The following CCDC3 variants were observed in gnomAD, a reference collection of about 807,000 sequenced individuals.
The protein encoded by CCDC3 is coiled-coil domain containing 3, also known as coiled-coil domain-containing protein 3.
Under a neutral mutation model 21.4 loss-of-function variants are expected in CCDC3, and 24 were observed. The observed-to-expected ratio is 1.12, with a 90% CI of 0.81 to 1.58. CCDC3 has a LOEUF of 1.58. Among genes scored for constraint, CCDC3 ranks in the 40% most tolerant of loss-of-function variants. The pLI, the probability that CCDC3 is intolerant of heterozygous loss-of-function variation, is 0.00. For synonymous variants in CCDC3, 186 were observed against 166.0 expected (o/e 1.12, Z -0.93); for missense variants, 425 against 360.9 (o/e 1.18, Z -1.44).
At chr10:13,015,767 A>G (rs1254764035) in intron 5 of CCDC3, among the ~76,000 whole-genome samples, 2 of 151,838 alleles carry the variant, frequency 1.3e-5, no homozygotes. Flanking sequence ...AACTTGGGCC[A>G]CTCCATCTGT....
At chr10:13,072,128 C>G (rs989517270) in intron 4 of CCDC3, among the ~76,000 whole-genome samples, 1 of 152,134 alleles carries the variant, frequency 6.6e-6, no homozygotes, top group Non-Finnish European at 1.5e-5. Context: ...TTTGAGCTGT[C>G]CTTACCGTAA....
At chr10:12,955,558 T>A (rs1835070658) in intron 2 of CCDC3, among the ~76,000 whole-genome samples, 1 of 152,126 alleles carries the variant, frequency 6.6e-6, no homozygotes, top group Non-Finnish European at 1.5e-5. Context: ...ACTTCATATT[T>A]TTTTTTCTTT....
chr10:13,087,308 G>C (rs1016698522), intron 3 of CCDC3, among the ~76,000 whole-genome samples: 1 of 151,852 alleles, frequency 6.6e-6, no homozygotes, highest in African/African-American at 2.4e-5. Context: ...GGAGGCTGAG[G>C]CAGGAGAATT....
At chr10:12,942,079 C>T (rs752884370) in intron 2 of CCDC3, among the ~76,000 whole-genome samples, 31 of 152,168 alleles carry the variant, frequency 2.0e-4, no homozygotes, top group Non-Finnish European at 4.1e-4. Flanking sequence ...TTTGAGATGT[C>T]CATTTTCTCT....
At chr10:12,898,887 C>A (rs373884729) in intron 2 of CCDC3, among the ~76,000 whole-genome samples, 1 of 152,184 alleles carries the variant, frequency 6.6e-6, no homozygotes, top group Non-Finnish European at 1.5e-5. Context: ...AAATACAGAG[C>A]CCCCGTTTTG....
At chr10:12,947,618 C>T (rs554867544) in intron 2 of CCDC3, among the ~76,000 whole-genome samples, 117 of 152,266 alleles carry the variant, frequency 7.7e-4, no homozygotes, top group Non-Finnish European at 1.4e-3. Flanking sequence ...TCCCTGTGGA[C>T]GGGAATCTAG....
chr10:13,030,428 A>G (rs1159561377), intron 5 of CCDC3, among the ~76,000 whole-genome samples: 1 of 152,232 alleles, frequency 6.6e-6, no homozygotes, highest in African/African-American at 2.4e-5. Context: ...AAGAAACTGC[A>G]TCAACTAATG....
At chr10:13,030,619 T>A (rs755210107) in intron 5 of CCDC3, among the ~76,000 whole-genome samples, 7 of 151,572 alleles carry the variant, frequency 4.6e-5, no homozygotes, top group Non-Finnish European at 8.8e-5. Flanking sequence ...GAGACACACA[T>A]AGGCTCAAGA....
intron 3 of CCDC3, among the ~76,000 whole-genome samples, chr10:13,089,072 G>A (rs960795018): frequency 6.6e-6 from 1 of 151,900 alleles, no homozygotes; most frequent in Non-Finnish European, 1.5e-5. Context: ...TGTAGAACAG[G>A]TCTACGACAA....
At chr10:13,045,925 G>T (rs2782288) in intron 5 of CCDC3, among the ~76,000 whole-genome samples, 4 of 151,286 alleles carry the variant, frequency 2.6e-5, no homozygotes, top group African/African-American at 4.9e-5. Context: ...CCCATCTCTA[G>T]GAAAAATACA....
chr10:13,092,502 C>A (rs1832583257), intron 3 of CCDC3, among the ~76,000 whole-genome samples: 1 of 152,226 alleles, frequency 6.6e-6, no homozygotes, highest in Non-Finnish European at 1.5e-5. Context: ...TGCAAGAAGT[C>A]TGTTATGACT....
chr10:13,028,404 G>C (rs1353274080), intron 5 of CCDC3, among the ~76,000 whole-genome samples: 1 of 152,042 alleles, frequency 6.6e-6, no homozygotes, highest in Non-Finnish European at 1.5e-5. Flanking sequence ...ACCCAATCTT[G>C]GGTATGTATT....
chr10:12,927,827 T>C (rs1834569780), intron 2 of CCDC3, among the ~76,000 whole-genome samples: 1 of 152,236 alleles, frequency 6.6e-6, no homozygotes, highest in Non-Finnish European at 1.5e-5. Flanking sequence ...CTTTTTTCAA[T>C]TCAATTGCAA....
chr10:13,057,539 T>C (rs1836697093), intron 4 of CCDC3, among the ~76,000 whole-genome samples: 1 of 152,196 alleles, frequency 6.6e-6, no homozygotes, highest in African/African-American at 2.4e-5. Flanking sequence ...TTTTTTTCTT[T>C]TCTGTCAATA....
intron 5 of CCDC3, among the ~76,000 whole-genome samples, chr10:13,014,457 AG>A (rs1160570215): frequency 1.0e-4 from 7 of 67,666 alleles, no homozygotes; most frequent in Non-Finnish European, 2.7e-4. Flanking sequence ...CTCAAAAAAA[AG>A]AAAAAAAAAA....
At chr10:12,958,497 A>G (rs1000762543) in intron 2 of CCDC3, among the ~76,000 whole-genome samples, 4 of 152,134 alleles carry the variant, frequency 2.6e-5, no homozygotes, top group Non-Finnish European at 5.9e-5. Context: ...AGCCAAACGC[A>G]TCCTCCCTGA....
intron 5 of CCDC3, among the ~76,000 whole-genome samples, chr10:13,008,184 TAG>T (rs756565083): frequency 1.1e-3 from 174 of 152,132 alleles, no homozygotes; most frequent in South Asian, 5.6e-3. Context: ...AGTGGCCTCC[TAG>T]GCATGCAGCC....
Position 12,897,605 on chromosome 10 carries a change from C to A in CCDC3, c.*811G>T, listed in dbSNP as rs894677391. ...AGAGACATTAGAAACAATTACTCAG[C>A]AAACAAGAAGTTAGACTATAGCAGT... On this transcript the variant is annotated 3_prime_UTR_variant, in exon 3 of 3. Coordinates refer to ENST00000378825, the MANE Select transcript of CCDC3 (RefSeq NM_031455.4). 2.0e-5 allele frequency: 3 copies of A among 152,146 alleles called. No individual in the cohort carries two copies. The highest frequency in any genetic ancestry group is 7.2e-5 in the African/African-American group (3 of 41,434). 9.4% of individuals were successfully genotyped at this position (152,146 alleles called of 1,614,324 possible). A position where few individuals can be genotyped will look rare whatever the true frequency, so the allele number is the denominator to read the frequency against.
At chr10:12,962,003 T>C (rs1835185053) in intron 2 of CCDC3, among the ~76,000 whole-genome samples, 2 of 152,204 alleles carry the variant, frequency 1.3e-5, no homozygotes, top group South Asian at 4.1e-4. Context: ...CATCACATTT[T>C]ATGAGATTGA....
Sources: gnomAD v4.1 joint callset for allele counts (sites outside exome capture counted in the v4.1 genomes callset) on GRCh38, gnomAD v4.1.1 for gene constraint, MANE v1.5 for transcripts, NCBI Gene and HGNC (gene_info 2026-07-23, HGNC 2026-07-21) for gene names.